IRAG1: variants seen among roughly 807,000 people sequenced by gnomAD.
The protein encoded by IRAG1 is inositol 1,4,5-triphosphate receptor associated 1.
In IRAG1, 62 loss-of-function variants were observed where a neutral mutation model predicts 106.2. The observed-to-expected ratio is 0.58, with a 90% confidence interval of 0.48 to 0.72. IRAG1 has a LOEUF of 0.72. Among genes scored for constraint, IRAG1 ranks in the 30% least tolerant of loss-of-function variants. IRAG1 has a pLI of 0.00. For missense variants in IRAG1, 1,064 were observed against 1,140.7 expected (o/e 0.93, Z 0.97); for synonymous variants, 462 against 443.9 (o/e 1.04, Z -0.51).
At chr11:10,598,418 A>ATTCTTT (rs1853571824) in intron 15 of IRAG1, among the ~76,000 whole-genome samples, 1 of 152,284 alleles carries the variant, frequency 6.6e-6, no homozygotes, top group Non-Finnish European at 1.5e-5. Flanking sequence ...AAAATAGCAG[A>ATTCTTT]ACCAGAAAAT....
chr11:10,628,720 G>A lies in IRAG1; in HGVS notation c.652+31C>T. 1.3e-6 allele frequency: 2 copies of A among 1,498,160 alleles called. No individual in the cohort carries two copies. The highest frequency in any genetic ancestry group is 8.9e-7 in the Non-Finnish European group (1 of 1,124,026). The allele number at this position is 1,498,160 out of a possible 1,614,324, so 92.8% of individuals were successfully genotyped here. A position where few individuals can be genotyped will look rare whatever the true frequency, so the allele number is the denominator to read the frequency against. On this transcript the variant is annotated intron_variant, in intron 6 of 20. Transcript: ENST00000423302. The surrounding 1 kb of genome is among the most constrained non-coding windows in gnomAD (Gnocchi z 4.1). ...AGCTGCCACCCAGAGCGAGAGGCAG[G>A]GCAGGAAGTCCCCGGGCAGCTGGGC...
In IRAG1 at chr11:10,621,583, C is replaced by T. The variant is rs182309372; in HGVS notation, c.1447+2195G>A. Among the ~76,000 whole-genome samples the T allele has an allele frequency of 5.1e-4, 77 of 152,266 alleles. No individual in the cohort carries two copies. In the East Asian group the frequency reaches 0.015, roughly 29 times the overall value. ...TCAGCTTGTCTGAAATGTTGTGCAG[C>T]TTAAAAAAAGTTTTAAAACTGTTCA... On this transcript the variant is annotated intron_variant, in intron 10 of 20. Coordinates refer to ENST00000423302, the MANE Select transcript of IRAG1 (RefSeq NM_130385.4).
At chr11:10,630,441 G>A (rs1043257582) in intron 4 of IRAG1, among the ~76,000 whole-genome samples, 6 of 150,854 alleles carry the variant, frequency 4.0e-5, no homozygotes, top group South Asian at 4.2e-4. Context: ...GCACAATCTC[G>A]GCTCACTGCA....
At chr11:10,606,506 A>C (rs1854489234) in intron 12 of IRAG1, among the ~76,000 whole-genome samples, 1 of 152,208 alleles carries the variant, frequency 6.6e-6, no homozygotes, top group African/African-American at 2.4e-5. Context: ...AGGAATGTAA[A>C]ATTTCCAACT....
At position 10,606,845 on chromosome 11, in the gene IRAG1, C is replaced by T. The variant is rs141271523; in HGVS notation, c.1572-73G>A. The T allele has an allele frequency of 6.3e-5, 89 of 1,407,304 alleles. No individual in the cohort carries two copies. In the East Asian group the frequency reaches 2.2e-3, roughly 35 times the overall value. The allele number at this position is 1,407,304 out of a possible 1,614,324, so 87.2% of individuals were successfully genotyped here. ...AGACCCAAAGGTGACTCTGAATGACCAGCAGACCATGTGTTTCCAGGGGTG... is the reference window on the plus strand; with the variant it reads ...AGACCCAAAGGTGACTCTGAATGACTAGCAGACCATGTGTTTCCAGGGGTG... On this transcript the variant is annotated intron_variant, in intron 11 of 20. Coordinates refer to ENST00000423302, the MANE Select transcript of IRAG1 (RefSeq NM_130385.4).
intron 8 of IRAG1, 114 bp downstream of exon 8, chr11:10,627,602 C>T: frequency 9.0e-7 from 1 of 1,107,732 alleles, no homozygotes; most frequent in East Asian, 2.4e-5. Context: ...TGACCCTCCA[C>T]TCATACGTGT....
intron 1 of IRAG1, among the ~76,000 whole-genome samples, chr11:10,660,654 G>C (rs559066847): frequency 4.6e-4 from 70 of 152,274 alleles, no homozygotes; most frequent in African/African-American, 1.6e-3. Context: ...GCACAGTTAT[G>C]GAGACTTCAT....
intron 1 of IRAG1, among the ~76,000 whole-genome samples, chr11:10,678,689 T>C (rs1860900479): frequency 6.6e-6 from 1 of 152,212 alleles, no homozygotes; most frequent in African/African-American, 2.4e-5. Flanking sequence ...AGACCCACCA[T>C]TGTTTAGAAA....
intron 1 of IRAG1, among the ~76,000 whole-genome samples, chr11:10,682,642 G>A (rs1861352836): frequency 6.6e-6 from 1 of 152,206 alleles, no homozygotes; most frequent in South Asian, 2.1e-4. Context: ...GACATGGTTA[G>A]TTATCTATGG....
chr11:10,666,472 C>T (rs1859794051), intron 1 of IRAG1, among the ~76,000 whole-genome samples: 1 of 152,212 alleles, frequency 6.6e-6, no homozygotes, highest in Admixed American at 6.5e-5. Flanking sequence ...ACAGCAGCAG[C>T]AACAACTTCA....
At chr11:10,640,807 C>T (rs1381268586) in intron 2 of IRAG1, among the ~76,000 whole-genome samples, 2 of 152,200 alleles carry the variant, frequency 1.3e-5, no homozygotes, top group African/African-American at 4.8e-5. Flanking sequence ...AGCCACACTA[C>T]CTTATGGTAT....
rs536955546 is a variant in IRAG1 at position 10,647,624 on chromosome 11, C to T, written c.225+4401G>A. 6.6e-6 allele frequency among the ~76,000 whole-genome samples: 1 copy of T among 152,250 alleles called. No individual in the cohort carries two copies. Among genetic ancestry groups the T allele is most frequent in the African/African-American group, 2.4e-5 (1 of 41,536 alleles). On this transcript the variant is annotated intron_variant, in intron 2 of 20. Transcript: ENST00000423302. The surrounding 1 kb of genome is among the most constrained non-coding windows in gnomAD (Gnocchi z 4.3). Reference sequence around the variant, plus strand: ...GTGAAAATTGGGCTCTTACAGCTAACATGAGCCTCTTTGTACCCTCAGGTT... The same window carrying T: ...GTGAAAATTGGGCTCTTACAGCTAATATGAGCCTCTTTGTACCCTCAGGTT...
At chr11:10,678,681 AC>A (rs1860899721) in intron 1 of IRAG1, among the ~76,000 whole-genome samples, 3 of 152,026 alleles carry the variant, frequency 2.0e-5, no homozygotes, top group African/African-American at 2.4e-5. Context: ...GTATTCTCAG[AC>A]CCACCATTGT....
chr11:10,673,604 T>G (rs1467849466), intron 1 of IRAG1, among the ~76,000 whole-genome samples: 1 of 152,112 alleles, frequency 6.6e-6, no homozygotes, highest in Admixed American at 6.5e-5. Context: ...CTGAATATAC[T>G]AAAATCCACT....
chr11:10,603,080 T>G (rs2134334671), intron 14 of IRAG1, 40 bp downstream of exon 14: 2 of 1,589,746 alleles, frequency 1.3e-6, no homozygotes, highest in South Asian at 2.3e-5. Flanking sequence ...TTTACGTAGG[T>G]GGAACAGAGT....
At chr11:10,603,010 C>T (rs1355723630) in intron 14 of IRAG1, 110 bp downstream of exon 14, 3 of 1,303,884 alleles carry the variant, frequency 2.3e-6, no homozygotes, top group Non-Finnish European at 2.1e-6. Flanking sequence ...GATGCCTGGC[C>T]CAGAGGAAGC....
At chr11:10,687,798 G>T (rs1047600949) in intron 1 of IRAG1, 1 of 1,288,928 alleles carries the variant, frequency 7.8e-7, no homozygotes, top group Non-Finnish European at 1.0e-6. Context: ...ACAGACAGGG[G>T]CTAGAAATAA....
intron 16 of IRAG1, chr11:10,593,934 T>G: frequency 1.7e-6 from 1 of 591,622 alleles, no homozygotes; most frequent in Non-Finnish European, 3.0e-6. Context: ...CACTTCATGT[T>G]CATTTAAGGG....
chr11:10,600,738 A>G (rs2134307380), intron 15 of IRAG1, among the ~76,000 whole-genome samples, 180 bp downstream of exon 15: 1 of 152,358 alleles, frequency 6.6e-6, no homozygotes, highest in Non-Finnish European at 1.5e-5. Context: ...TCCTGGTTCC[A>G]GACTGCCCTG....
Sources: gnomAD v4.1 joint callset for allele counts (sites outside exome capture counted in the v4.1 genomes callset) on GRCh38, gnomAD v4.1.1 for gene constraint, Gnocchi (gnomAD v3.1) non-coding constraint, MANE v1.5 for transcripts, NCBI Gene and HGNC (gene_info 2026-07-23, HGNC 2026-07-21) for gene names.